Variants in NTM observed in about 807,000 individuals in gnomAD.
The protein encoded by NTM is neurotrimin.
Under a neutral mutation model 42.1 loss-of-function variants are expected in NTM, and 13 were observed. That is an observed-to-expected ratio of 0.31 (90% confidence interval 0.20 to 0.49). NTM has a LOEUF of 0.49. Ranked by LOEUF, NTM falls within the 20% of genes least tolerant of loss-of-function variation. The pLI is 0.99. For missense variants in NTM, 373 were observed against 452.8 expected, an observed-to-expected ratio of 0.82 and a Z score of 1.60; for synonymous variants, 187 against 179.2, an observed-to-expected ratio of 1.04 and a Z score of -0.35.
intron 2 of NTM, among the ~76,000 whole-genome samples, chr11:132,098,769 G>T (rs1340345764): frequency 6.6e-6 from 1 of 152,218 alleles, no homozygotes; most frequent in Non-Finnish European, 1.5e-5. Flanking sequence ...GCCCCAACCT[G>T]GGGTTGATAG....
At chr11:131,936,255 T>C (rs1356799876) in intron 2 of NTM, among the ~76,000 whole-genome samples, 1 of 152,222 alleles carries the variant, frequency 6.6e-6, no homozygotes, top group East Asian at 1.9e-4. Flanking sequence ...CTTCAGTTTA[T>C]CTTGGAATTC....
At chr11:132,023,663 A>G (rs571793087) in intron 2 of NTM, among the ~76,000 whole-genome samples, 1 of 152,206 alleles carries the variant, frequency 6.6e-6, no homozygotes, top group South Asian at 2.1e-4. Flanking sequence ...GCGTTATTGC[A>G]AGCACTAGAA....
intron 1 of NTM, among the ~76,000 whole-genome samples, chr11:131,708,162 G>A (rs1366745604): frequency 6.6e-6 from 1 of 151,946 alleles, no homozygotes; most frequent in East Asian, 1.9e-4. Context: ...ATCAATGTGG[G>A]TAAATATTTT....
rs551836036 is a variant in NTM at position 131,756,177 on chromosome 11, G to A, written c.83-155387G>A. On this transcript the variant is annotated intron_variant, in intron 1 of 8. Transcript: ENST00000683400. ...TGTCAGTGGTGGTAGGAAGGGGGAA[G>A]TCATGTCATTTTTACTGTCTGCTAA... Among the ~76,000 whole-genome samples, 4 of 152,350 alleles carry A rather than the reference G, an allele frequency of 2.6e-5. No individual in the cohort carries two copies. The South Asian group carries it at 8.3e-4, about 32-fold the overall frequency.
intron 1 of NTM, among the ~76,000 whole-genome samples, chr11:131,439,112 C>T (rs755256284): frequency 5.3e-5 from 8 of 152,170 alleles, no homozygotes; most frequent in African/African-American, 1.7e-4. Flanking sequence ...GTATCACCAG[C>T]GGAGGCTGCA....
In NTM at chr11:131,759,936, C is replaced by G. The variant is rs530934589; in HGVS notation, c.83-151628C>G. ...CGATGTGAGAGTGTTAATGAAAAAACTAAATAACTTTCCTAACATGAACCC... is the reference window on the plus strand; with the variant it reads ...CGATGTGAGAGTGTTAATGAAAAAAGTAAATAACTTTCCTAACATGAACCC... On this transcript the variant is annotated intron_variant, in intron 1 of 8. Transcript: ENST00000683400. 1.3e-4 allele frequency among the ~76,000 whole-genome samples: 20 copies of G among 151,852 alleles called. No individual in the cohort carries two copies. In the South Asian group the frequency reaches 2.9e-3, roughly 22 times the overall value.
chr11:131,694,697 CTG>C (rs763723673), intron 1 of NTM, among the ~76,000 whole-genome samples: 3 of 152,174 alleles, frequency 2.0e-5, no homozygotes, highest in Non-Finnish European at 2.9e-5. Flanking sequence ...AGAGCCGAGA[CTG>C]GACGTGTGGA....
At chr11:132,314,741 A>T (rs1340456066) in intron 7 of NTM, 38 bp downstream of exon 7, 17 of 1,589,704 alleles carry the variant, frequency 1.1e-5, no homozygotes, top group Non-Finnish European at 1.5e-5. Flanking sequence ...AAGAGGGGAG[A>T]GGGTGCAGAA....
intron 1 of NTM, among the ~76,000 whole-genome samples, chr11:131,490,542 G>C (rs988305991): frequency 1.3e-5 from 2 of 152,138 alleles, no homozygotes; most frequent in African/African-American, 4.8e-5. Flanking sequence ...ATTCAGCTGG[G>C]TGCGCCTCTG....
intron 2 of NTM, among the ~76,000 whole-genome samples, chr11:131,926,749 G>A (rs1231039486): frequency 1.3e-5 from 2 of 152,192 alleles, no homozygotes; most frequent in Non-Finnish European, 1.5e-5. Flanking sequence ...GGTAGTTTCC[G>A]TGTGGACTTT....
chr11:132,187,743 G>A (rs959942053), intron 3 of NTM, among the ~76,000 whole-genome samples: 1 of 152,192 alleles, frequency 6.6e-6, no homozygotes, highest in Non-Finnish European at 1.5e-5. Flanking sequence ...GACCACATCT[G>A]CCTCTGGAGC....
At chr11:131,597,599 C>T (rs1360267545) in intron 1 of NTM, among the ~76,000 whole-genome samples, 1 of 152,212 alleles carries the variant, frequency 6.6e-6, no homozygotes, top group African/African-American at 2.4e-5. Context: ...TACCCTTACC[C>T]CTGGGAAGGA....
intron 2 of NTM, among the ~76,000 whole-genome samples, chr11:132,087,268 C>T (rs1332932400): frequency 6.6e-6 from 1 of 152,118 alleles, no homozygotes; most frequent in Non-Finnish European, 1.5e-5. Context: ...CACGTACTGC[C>T]TTTCCCTCTG....
intron 2 of NTM, among the ~76,000 whole-genome samples, chr11:131,914,857 T>C (rs1207241379): frequency 6.6e-6 from 1 of 152,240 alleles, no homozygotes; most frequent in Non-Finnish European, 1.5e-5. Flanking sequence ...GTTTTAATAA[T>C]ATCTCACCTA....
intron 1 of NTM, among the ~76,000 whole-genome samples, chr11:131,847,182 T>C (rs1312878127): frequency 6.6e-6 from 1 of 152,140 alleles, no homozygotes; most frequent in Non-Finnish European, 1.5e-5. Context: ...AAATTAAATA[T>C]TGAGGATATC....
At chr11:132,191,856 A>G (rs768951720) in intron 3 of NTM, among the ~76,000 whole-genome samples, 1 of 152,364 alleles carries the variant, frequency 6.6e-6, no homozygotes, top group Admixed American at 6.5e-5. Flanking sequence ...AAAATTTACT[A>G]TAAGAATTTT....
intron 1 of NTM, among the ~76,000 whole-genome samples, chr11:131,804,206 T>G (rs759708171): frequency 1.9e-4 from 29 of 152,220 alleles, no homozygotes; most frequent in Non-Finnish European, 3.7e-4. Context: ...TCTCTTGCCC[T>G]ACACACCTCT....
chr11:132,289,925 T>G (rs1444120334), intron 4 of NTM, among the ~76,000 whole-genome samples: 1 of 152,216 alleles, frequency 6.6e-6, no homozygotes, highest in East Asian at 1.9e-4. Context: ...TTTTGTTTGT[T>G]TTGTTCTGTT....
At chr11:131,850,815 G>A (rs1015565049) in intron 1 of NTM, among the ~76,000 whole-genome samples, 1 of 152,190 alleles carries the variant, frequency 6.6e-6, no homozygotes, top group African/African-American at 2.4e-5. Flanking sequence ...TTTTAATTCA[G>A]GTGTGGGCTG....
Sources: allele counts gnomAD v4.1 joint callset (sites outside exome capture counted in the v4.1 genomes callset), GRCh38; gene constraint gnomAD v4.1.1; transcripts MANE v1.5; gene names NCBI Gene and HGNC (gene_info 2026-07-23, HGNC 2026-07-21).